MAP3K10: variants seen among roughly 807,000 people sequenced by gnomAD.
The protein encoded by MAP3K10 is mitogen-activated protein kinase kinase kinase 10, also known as MKN28 derived nonreceptor_type serine/threonine kinase.
In MAP3K10, 22 loss-of-function variants were observed where a neutral mutation model predicts 75.0. The observed-to-expected ratio is 0.29, with a 90% CI of 0.21 to 0.42. The LOEUF is 0.42. Ranked by LOEUF, MAP3K10 falls within the 10% of genes least tolerant of loss-of-function variation. MAP3K10 has a pLI of 1.00. For synonymous variants in MAP3K10, 599 were observed against 612.9 expected, an observed-to-expected ratio of 0.98 and a Z score of 0.34; for missense variants, 1,165 against 1,379.8, an observed-to-expected ratio of 0.84 and a Z score of 2.47.
At chr19:40,202,142 G>A (rs1456627728) in intron 2 of MAP3K10, among the ~76,000 whole-genome samples, 1 of 152,138 alleles carries the variant, frequency 6.6e-6, no homozygotes. Flanking sequence ...CTGGGTTCAC[G>A]CCATTCTCCT....
chr19:40,206,581 GGAA>G (rs1369754256), intron 5 of MAP3K10, among the ~76,000 whole-genome samples: 1 of 151,386 alleles, frequency 6.6e-6, no homozygotes, highest in East Asian at 2.0e-4. Flanking sequence ...ATCTCTAAAG[GGAA>G]GAAGAAGAAA....
At chr19:40,194,412 G>T (rs1972870251) in intron 1 of MAP3K10, among the ~76,000 whole-genome samples, 1 of 151,846 alleles carries the variant, frequency 6.6e-6, no homozygotes, top group Non-Finnish European at 1.5e-5. Context: ...GCTGTGTCTG[G>T]GGAACTGATG....
chr19:40,206,826 G>T (rs889565155), intron 5 of MAP3K10, among the ~76,000 whole-genome samples: 1 of 152,154 alleles, frequency 6.6e-6, no homozygotes, highest in Non-Finnish European at 1.5e-5. Flanking sequence ...AGGTGCAGTG[G>T]CTCACGCCTG....
chr19:40,205,305 AG>A lies in MAP3K10; in HGVS notation c.1188+14del, dbSNP rs771679307. The A allele has an allele frequency of 1.2e-4, 187 of 1,613,770 alleles. 1 individual carries two copies. The highest frequency in any genetic ancestry group is 5.8e-4 in the Admixed American group (35 of 60,004). ...TTCGGACCAAGGAGAAGGTGAAGGC[AG>A]GGGGCAAGGTGGGAAAGATGGAGCA... On this transcript the variant is annotated intron_variant, in intron 4 of 9. Transcript: ENST00000253055. The surrounding 1 kb of genome is among the most constrained non-coding windows in gnomAD (Gnocchi z 4.3).
intron 6 of MAP3K10, among the ~76,000 whole-genome samples, chr19:40,210,784 G>A (rs1471590826): frequency 6.6e-6 from 1 of 151,820 alleles, no homozygotes; most frequent in Non-Finnish European, 1.5e-5. Flanking sequence ...GGATATCCAC[G>A]CTCATGCAGA....
In MAP3K10 at chr19:40,203,051, C is replaced by T. The variant is rs866308670; in HGVS notation, c.864-1434C>T. Among the ~76,000 whole-genome samples the T allele has an allele frequency of 4.6e-5, 7 of 152,042 alleles. No homozygotes were observed. In the East Asian group the frequency reaches 9.6e-4, roughly 21 times the overall value. On this transcript the variant is annotated intron_variant, in intron 2 of 9. Coordinates refer to ENST00000253055, the MANE Select transcript of MAP3K10 (RefSeq NM_002446.4). ...ACACAGTAGGCACTTAATAAGTATA[C>T]GTTGAATGGGCCGGGCGCAGTGGCT...
At chr19:40,208,967 T>G (rs1973185290) in intron 5 of MAP3K10, 136 bp from the exon 6 acceptor site, 2 of 688,928 alleles carry the variant, frequency 2.9e-6, no homozygotes, top group Admixed American at 4.6e-5. Context: ...GCCCACACTC[T>G]GAGAACCACT....
At position 40,191,803 on chromosome 19, in the gene MAP3K10, C is replaced by T. The variant is rs1568485158; in HGVS notation, c.-229C>T. 1 of 210,722 alleles carries T rather than the reference C, an allele frequency of 4.7e-6. No individual in the cohort carries two copies. Among genetic ancestry groups the T allele is most frequent in the South Asian group, 9.3e-5 (1 of 10,742 alleles). The allele number at this position is 210,722 out of a possible 1,614,324, so 13.1% of individuals were successfully genotyped here. A position where few individuals can be genotyped will look rare whatever the true frequency, so the allele number is the denominator to read the frequency against. On this transcript the variant is annotated 5_prime_UTR_variant, in exon 1 of 10. Coordinates refer to ENST00000253055, the MANE Select transcript of MAP3K10 (RefSeq NM_002446.4). ...GGGGGGCACGGGTGAACCTGCCGCC[C>T]CACTCCCACCCCGCCCCGCCCCGCC...
chr19:40,202,874 G>A (rs1973052493), intron 2 of MAP3K10, among the ~76,000 whole-genome samples: 1 of 152,150 alleles, frequency 6.6e-6, no homozygotes, highest in African/African-American at 2.4e-5. Context: ...CATGTGGCAT[G>A]CTTAGCTGCA....
intron 6 of MAP3K10, among the ~76,000 whole-genome samples, chr19:40,210,428 C>T (rs1227901810): frequency 6.6e-6 from 1 of 152,156 alleles, no homozygotes; most frequent in East Asian, 1.9e-4. Context: ...TGGCCCAGCA[C>T]GGCGGCTCAC....
rs370535681 is a variant in MAP3K10, at chr19:40,215,312, G to A, written c.*20G>A. The A allele has an allele frequency of 1.7e-5, 26 of 1,525,890 alleles. 1 individual carries two copies. The highest frequency in any genetic ancestry group is 5.0e-5 in the East Asian group (2 of 40,198). The allele number at this position is 1,525,890 out of a possible 1,614,324, so 94.5% of individuals were successfully genotyped here. A position where few individuals can be genotyped will look rare whatever the true frequency, so the allele number is the denominator to read the frequency against. ...CACTAAGGCCTGCCCACCACCGCCC[G>A]CCTGGGCAGCCATGAATGTAGCGCC... On this transcript the variant is annotated 3_prime_UTR_variant, in exon 10 of 10. Coordinates refer to ENST00000253055, the MANE Select transcript of MAP3K10 (RefSeq NM_002446.4).
intron 1 of MAP3K10, among the ~76,000 whole-genome samples, chr19:40,194,112 G>A (rs1282704708): frequency 1.3e-5 from 2 of 152,182 alleles, no homozygotes; most frequent in South Asian, 2.1e-4. Flanking sequence ...TGTAATCCCA[G>A]CACTTTGGGA....
Position 40,192,081 on chromosome 19 carries a change from C to T in MAP3K10, c.50C>T (p.Ala17Val), listed in dbSNP as rs759098831. The T allele has an allele frequency of 6.6e-7, 1 of 1,510,070 alleles. No homozygotes were observed. The highest frequency in any genetic ancestry group is 8.8e-7 in the Non-Finnish European group (1 of 1,132,624). The allele number at this position is 1,510,070 out of a possible 1,614,324, so 93.5% of individuals were successfully genotyped here. A position where few individuals can be genotyped will look rare whatever the true frequency, so the allele number is the denominator to read the frequency against. Residue 17 changes from alanine to valine, a missense_variant, in exon 1 of 10, where the codon GCG becomes GTG. Transcript: ENST00000253055. The surrounding 1 kb of genome is among the most constrained non-coding windows in gnomAD (Gnocchi z 7.1). ...AVAKEWGTTPAGPVWTAVFDY... is the reference protein window; with the variant it reads ...AVAKEWGTTPVGPVWTAVFDY... ...GCCAAGGAGTGGGGCACGACCCCCG[C>T]GGGGCCCGTCTGGACCGCGGTGTTC...
Position 40,215,476 on chromosome 19 carries a change from C to A in MAP3K10, c.*184C>A. Reference sequence around the variant, plus strand: ...ACCCCAGGGGGTGGAGCCCTGTGCCCACCCTGCACTGGGGGGAGGGTGGGC... The same window carrying A: ...ACCCCAGGGGGTGGAGCCCTGTGCCAACCCTGCACTGGGGGGAGGGTGGGC... On this transcript the variant is annotated 3_prime_UTR_variant, in exon 10 of 10. Transcript: ENST00000253055. 1 of 620,158 alleles carries A rather than the reference C, an allele frequency of 1.6e-6. No homozygotes were observed. The highest frequency in any genetic ancestry group is 2.8e-6 in the Non-Finnish European group (1 of 357,942). The allele number at this position is 620,158 out of a possible 1,614,324, so 38.4% of individuals were successfully genotyped here.
rs1376658981 is a variant in MAP3K10, at chr19:40,205,109, CT to C, written c.1013-11del. ...CCATGCCCCACCACTGTCCTTCCTCCTCCCACCCCAGAATGCTGGGACCCAG... is the reference window on the plus strand; with the variant it reads ...CCATGCCCCACCACTGTCCTTCCTCCCCCACCCCAGAATGCTGGGACCCAG... On this transcript the variant is annotated splice_polypyrimidine_tract_variant and intron_variant, in intron 3 of 9. Coordinates refer to ENST00000253055, the MANE Select transcript of MAP3K10 (RefSeq NM_002446.4). This position sits in a 1 kb window ranked among gnomAD's most constrained non-coding sequence, Gnocchi z 4.3. The C allele has an allele frequency of 6.2e-7, 1 of 1,612,182 alleles. No homozygotes were observed. The highest frequency in any genetic ancestry group is 2.2e-5 in the East Asian group (1 of 44,866).
intron 2 of MAP3K10, among the ~76,000 whole-genome samples, chr19:40,200,116 T>C (rs897013915): frequency 1.3e-5 from 2 of 152,202 alleles, no homozygotes; most frequent in African/African-American, 4.8e-5. Flanking sequence ...CTGGCCAACA[T>C]GGTGAAACCC....
At position 40,214,012 on chromosome 19, in the gene MAP3K10, C is replaced by T. The variant is rs1973297339; in HGVS notation, c.2333C>T (p.Pro778Leu). Residue 778 changes from proline (P) to leucine (L), a missense_variant, in exon 9 of 10, where the codon CCC becomes CTC. By Grantham distance (98) the Pro-to-Leu change is moderately conservative. This residue lies in a region of MAP3K10 where 590 missense variants were observed against 586.6 expected (regional missense o/e 1.01). Transcript: ENST00000253055. ...GCACCGGCCGCGCCCTCCCCACCAC[C>T]CTCCCCGCCCGCGCCCACACCCACG... The part of the protein sequence containing the change: ...EAAPAAPSPP[P>L]SPPAPTPTPS... The T allele has an allele frequency of 6.7e-7, 1 of 1,499,878 alleles. No individual in the cohort carries two copies. The highest frequency in any genetic ancestry group is 2.2e-5 in the Admixed American group (1 of 46,364). The allele number at this position is 1,499,878 out of a possible 1,614,324, so 92.9% of individuals were successfully genotyped here. A position where few individuals can be genotyped will look rare whatever the true frequency, so the allele number is the denominator to read the frequency against.
In MAP3K10 at chr19:40,209,217, G is replaced by A. The variant is rs1261986128; in HGVS notation, c.1550G>A (p.Arg517His). Residue 517 changes from arginine to histidine, a missense_variant and splice_region_variant, in exon 6 of 10, where the codon CGC becomes CAC. Around this residue, in one of 2 missense-constraint regions of MAP3K10, gnomAD observed 575 missense variants for 793.2 expected, o/e 0.72. Transcript: ENST00000253055. ...ATCATCCCCCGGCTGAGGGCCATTC[G>A]CCGTGAGTATCTCCCAAGGCCCTGA... ...PSIIPRLRAI[R>H]LTPVDCGGSS... 3 of 1,613,170 alleles carry A rather than the reference G, an allele frequency of 1.9e-6. No individual in the cohort carries two copies. The highest frequency in any genetic ancestry group is 2.7e-5 in the African/African-American group (2 of 74,898).
chr19:40,212,074 G>A lies in MAP3K10; in HGVS notation c.1553-731G>A, dbSNP rs564477335. On this transcript the variant is annotated intron_variant, in intron 6 of 9. Transcript: ENST00000253055. The surrounding 1 kb of genome is among the most constrained non-coding windows in gnomAD (Gnocchi z 4.2). ...CCTGGGGCAGCCCCCAGAGCCATGC[G>A]AGCAAGGCACTGAGGGAATCAAATT... is the stretch of plus-strand genomic sequence containing the variant. Among the ~76,000 whole-genome samples, 21 of 152,280 alleles carry A rather than the reference G, an allele frequency of 1.4e-4. No individual in the cohort carries two copies. The highest frequency in any genetic ancestry group is 3.1e-4 in the African/African-American group (13 of 41,550).
Sources: allele counts gnomAD v4.1 joint callset (sites outside exome capture counted in the v4.1 genomes callset), GRCh38; gene constraint gnomAD v4.1.1; regional missense constraint gnomAD v4.1.1; non-coding constraint Gnocchi (gnomAD v3.1); transcripts MANE v1.5; gene names NCBI Gene and HGNC (gene_info 2026-07-23, HGNC 2026-07-21).